MME: variants seen among roughly 807,000 people sequenced by gnomAD.
MME encodes membrane metalloendopeptidase.
Under a neutral mutation model 113.2 loss-of-function variants are expected in MME, and 98 were observed. The ratio of observed to expected loss-of-function variants is 0.87; its 90% CI spans 0.74 to 1.02. The LOEUF (loss-of-function observed/expected upper bound fraction) is 1.02, where lower values mean the gene tolerates loss of function less well. MME is among the 50% of genes least tolerant of loss of function. The probability of loss-of-function intolerance (pLI) is 0.00; values close to 1 mark genes in which losing one functional copy is unlikely to be tolerated. For synonymous variants in MME, 292 were observed against 300.6 expected, an observed-to-expected ratio of 0.97 and a Z score of 0.30; for missense variants, 836 against 896.0, an observed-to-expected ratio of 0.93 and a Z score of 0.86.
At chr3:155,064,816 G>A (rs959678325) in intron 1 of MME, among the ~76,000 whole-genome samples, 5 of 152,192 alleles carry the variant, frequency 3.3e-5, no homozygotes, top group African/African-American at 1.2e-4. Flanking sequence ...TGGCAGAGCT[G>A]TGCTCTAAGA....
At chr3:155,166,791 C>A in intron 17 of MME, 111 bp from the exon 18 acceptor site, 1 of 1,342,894 alleles carries the variant, frequency 7.4e-7, no homozygotes, top group Non-Finnish European at 1.1e-6. Flanking sequence ...GCCATGGTGG[C>A]ATGCGCCTGT....
intron 1 of MME, among the ~76,000 whole-genome samples, chr3:155,035,193 T>C (rs1279389869): frequency 1.3e-5 from 2 of 151,374 alleles, no homozygotes; most frequent in Admixed American, 6.6e-5. Context: ...AAGCCATTCA[T>C]ATATTCCTTA....
At chr3:155,048,562 T>C (rs1713646173) in intron 1 of MME, among the ~76,000 whole-genome samples, 1 of 152,188 alleles carries the variant, frequency 6.6e-6, no homozygotes, top group African/African-American at 2.4e-5. Context: ...TCATCAGAGC[T>C]CTAGAGACTT....
chr3:155,043,538 G>C (rs1316560855), intron 1 of MME, among the ~76,000 whole-genome samples: 1 of 151,946 alleles, frequency 6.6e-6, no homozygotes, highest in African/African-American at 2.4e-5. Flanking sequence ...CTCCATGTTG[G>C]TCAGGCTGGT....
chr3:155,036,716 G>A (rs985792837), intron 1 of MME, among the ~76,000 whole-genome samples: 70 of 152,026 alleles, frequency 4.6e-4, no homozygotes, highest in Non-Finnish European at 9.1e-4. Context: ...TCTGTGGCTT[G>A]TCTTTTCTTT....
At chr3:155,129,883 C>A (rs1203102189) in intron 8 of MME, among the ~76,000 whole-genome samples, 1 of 152,086 alleles carries the variant, frequency 6.6e-6, no homozygotes, top group Non-Finnish European at 1.5e-5. Context: ...TAAGTGAAAC[C>A]AACCAGCAAC....
At position 155,166,925 on chromosome 3, in the gene MME, C is replaced by T. The variant is rs1334129894; in HGVS notation, c.1684C>T (p.Pro562Ser). Reference sequence around the variant, plus strand: ...AGTCTTCCCAGCCGGCATTCTGCAGCCCCCCTTCTTTAGTGCCCAGCAGTC... The same window carrying T: ...AGTCTTCCCAGCCGGCATTCTGCAGTCCCCCTTCTTTAGTGCCCAGCAGTC... ...QIVFPAGILQ[P>S]PFFSAQQSNS... Residue 562 changes from proline (P) to serine (S), a missense_variant, in exon 18 of 23, where the codon CCC becomes TCC. Physicochemically the swap from Pro to Ser is moderately conservative, Grantham distance 74. Transcript: ENST00000360490. 1.2e-6 allele frequency: 2 copies of T among 1,613,682 alleles called. No individual in the cohort carries two copies. Among genetic ancestry groups the T allele is most frequent in the Non-Finnish European group, 8.5e-7 (1 of 1,179,724 alleles).
Position 155,119,410 on chromosome 3 carries a change from CTTT to C in MME, c.720+616_720+618del, listed in dbSNP as rs781633297. Reference sequence around the variant, plus strand: ...TCCCTTGGGCTGATGTTCACGTGCTCTTTTTTTTTTTTTTTTTTTATTATACTT... The same window carrying C: ...TCCCTTGGGCTGATGTTCACGTGCTCTTTTTTTTTTTTTTTTATTATACTT... On this transcript the variant is annotated intron_variant, in intron 8 of 22. Transcript: ENST00000360490. Among the ~76,000 whole-genome samples, 278 of 112,290 alleles carry C rather than the reference CTTT, an allele frequency of 2.5e-3. 2 individuals carry two copies. Among genetic ancestry groups the C allele is most frequent in the African/African-American group, 8.3e-3 (260 of 31,320 alleles). The allele number at this position is 112,290 out of a possible 152,430, so 73.7% of individuals were successfully genotyped here. A position where few individuals can be genotyped will look rare whatever the true frequency, so the allele number is the denominator to read the frequency against.
chr3:155,062,060 T>C (rs147872370), intron 1 of MME, among the ~76,000 whole-genome samples: 1 of 152,316 alleles, frequency 6.6e-6, no homozygotes, highest in East Asian at 1.9e-4. Flanking sequence ...CCCTTTAACA[T>C]TTTTATTTCT....
intron 17 of MME, among the ~76,000 whole-genome samples, chr3:155,160,750 T>A (rs888553408): frequency 2.6e-5 from 4 of 152,076 alleles, no homozygotes; most frequent in Non-Finnish European, 5.9e-5. Flanking sequence ...TTTTTTAAAG[T>A]CCCTTGAATA....
At chr3:155,159,329 C>T (rs1722542802) in intron 16 of MME, among the ~76,000 whole-genome samples, 1 of 151,942 alleles carries the variant, frequency 6.6e-6, no homozygotes, top group Admixed American at 6.6e-5. Context: ...TAACAGTTGC[C>T]ATGAAAGTAG....
At chr3:155,145,005 G>A (rs573431280) in intron 14 of MME, among the ~76,000 whole-genome samples, 18 of 152,122 alleles carry the variant, frequency 1.2e-4, no homozygotes, top group Non-Finnish European at 2.4e-4. Flanking sequence ...AAAAGCAGAC[G>A]ATTTGGATTG....
intron 3 of MME, among the ~76,000 whole-genome samples, chr3:155,114,344 G>C (rs975203160): frequency 1.9e-4 from 29 of 152,132 alleles, no homozygotes; most frequent in African/African-American, 6.8e-4. Flanking sequence ...AGTGTTGGTT[G>C]ATTTGCATTT....
At chr3:155,109,630 T>G (rs933911016) in intron 3 of MME, among the ~76,000 whole-genome samples, 3 of 152,234 alleles carry the variant, frequency 2.0e-5, no homozygotes, top group African/African-American at 7.2e-5. Flanking sequence ...GTTTCTCGAT[T>G]GTCTAATGTG....
intron 1 of MME, among the ~76,000 whole-genome samples, chr3:155,039,660 AT>A (rs1341592628): frequency 7.2e-5 from 11 of 152,280 alleles, no homozygotes; most frequent in Non-Finnish European, 1.5e-4. Flanking sequence ...TTTCACTGCA[AT>A]TATGTAAGAG....
intron 16 of MME, among the ~76,000 whole-genome samples, chr3:155,151,079 A>G (rs1336410249): frequency 6.6e-6 from 1 of 152,206 alleles, no homozygotes; most frequent in Non-Finnish European, 1.5e-5. Context: ...CGTCTAAAAA[A>G]AAAAATGTAA....
chr3:155,175,008 A>G (rs1712381579), intron 22 of MME, among the ~76,000 whole-genome samples: 1 of 152,066 alleles, frequency 6.6e-6, no homozygotes. Flanking sequence ...TTTGATAGGT[A>G]AAGTTTGTCT....
At chr3:155,159,753 A>G (rs917702725) in intron 16 of MME, among the ~76,000 whole-genome samples, 2 of 152,034 alleles carry the variant, frequency 1.3e-5, no homozygotes. Flanking sequence ...TAGACATGGT[A>G]TAGACAGACA....
chr3:155,084,410 A>G, intron 2 of MME, 83 bp downstream of exon 2: 1 of 1,420,114 alleles, frequency 7.0e-7, no homozygotes, highest in Admixed American at 1.7e-5. Context: ...TATCCAACGA[A>G]TGTGTTAAGG....
Sources: allele counts gnomAD v4.1 joint callset (sites outside exome capture counted in the v4.1 genomes callset), GRCh38; gene constraint gnomAD v4.1.1; transcripts MANE v1.5; gene names NCBI Gene and HGNC (gene_info 2026-07-23, HGNC 2026-07-21).